Variants in PKD2 observed in about 807,000 individuals in gnomAD.
PKD2 encodes polycystin-2.
PKD2 carries 48 observed loss-of-function variants against 105.9 expected under a neutral mutation model. That is an observed-to-expected ratio of 0.45 (90% CI 0.36 to 0.58). The LOEUF is 0.58. Ranked by LOEUF, PKD2 falls within the 20% of genes least tolerant of loss-of-function variation. The pLI is 0.00. For synonymous variants in PKD2, 464 were observed against 481.1 expected (o/e 0.96, Z 0.46); for missense variants, 1,078 against 1,255.3 (o/e 0.86, Z 2.13).
At position 88,011,902 on chromosome 4, in the gene PKD2, G is replaced by T. The variant is rs111628807; in HGVS notation, c.595+3574G>T. Reference sequence around the variant, plus strand: ...AATTACAGGTTTTCAATGGGGGGGGGGGGGAGGGGCAGTTTTGCCCCTCAG... The same window carrying T: ...AATTACAGGTTTTCAATGGGGGGGGTGGGGAGGGGCAGTTTTGCCCCTCAG... On this transcript the variant is annotated intron_variant, in intron 1 of 14. Coordinates refer to ENST00000237596, the MANE Select transcript of PKD2 (RefSeq NM_000297.4). 1.3e-4 allele frequency among the ~76,000 whole-genome samples: 19 copies of T among 146,072 alleles called. No homozygotes were observed. The South Asian group carries it at 2.7e-3, about 20-fold the overall frequency.
intron 6 of PKD2, among the ~76,000 whole-genome samples, chr4:88,048,729 G>A (rs555213391): frequency 1.3e-5 from 2 of 152,204 alleles, no homozygotes; most frequent in Admixed American, 6.5e-5. Flanking sequence ...CGTCTTTTAC[G>A]ATGGCCATAC....
chr4:88,008,765 T>C (rs58337458), intron 1 of PKD2, among the ~76,000 whole-genome samples: 3 of 152,248 alleles, frequency 2.0e-5, no homozygotes, highest in Admixed American at 6.5e-5. Flanking sequence ...CCTTCTTGCC[T>C]GGACACTCCA....
intron 3 of PKD2, among the ~76,000 whole-genome samples, chr4:88,037,798 G>A (rs1283864767): frequency 6.6e-6 from 1 of 152,214 alleles, no homozygotes; most frequent in Non-Finnish European, 1.5e-5. Flanking sequence ...TCACCATACA[G>A]CAAAATAGTC....
chr4:88,039,965 T>C (rs1414617885), intron 4 of PKD2, among the ~76,000 whole-genome samples: 1 of 152,158 alleles, frequency 6.6e-6, no homozygotes, highest in Non-Finnish European at 1.5e-5. Context: ...CATGCCTTCA[T>C]CTGTGGTACC....
At position 88,065,940 on chromosome 4, in the gene PKD2, A is replaced by G. The variant is rs1426853665; in HGVS notation, c.2358+61A>G. The G allele has an allele frequency of 3.4e-5, 31 of 902,312 alleles. No homozygotes were observed. The East Asian group carries it at 7.4e-4, about 22-fold the overall frequency. 55.9% of individuals were successfully genotyped at this position (902,312 alleles called of 1,614,324 possible). A position where few individuals can be genotyped will look rare whatever the true frequency, so the allele number is the denominator to read the frequency against. On this transcript the variant is annotated intron_variant, in intron 12 of 14. Coordinates refer to ENST00000237596, the MANE Select transcript of PKD2 (RefSeq NM_000297.4). ...TACCTACAACACCACAGATGTATCAAACACTATAGAAGTAGTGGGTTATTG... is the reference window on the plus strand; with the variant it reads ...TACCTACAACACCACAGATGTATCAGACACTATAGAAGTAGTGGGTTATTG...
In PKD2 at chr4:88,047,740, A is replaced by G. The variant is rs569556920; in HGVS notation, c.1548+870A>G. ...AGGCCATGCACAGTGGCTCATACCT[A>G]TAATCCCTGCACTTTAGGGAACTGA... On this transcript the variant is annotated intron_variant, in intron 6 of 14. Transcript: ENST00000237596. 2.4e-4 allele frequency among the ~76,000 whole-genome samples: 36 copies of G among 152,226 alleles called. No individual in the cohort carries two copies. The South Asian group carries it at 6.0e-3, about 25-fold the overall frequency.
intron 4 of PKD2, among the ~76,000 whole-genome samples, chr4:88,041,789 T>G (rs1727574562): frequency 6.6e-6 from 1 of 152,210 alleles, no homozygotes. Context: ...TGAATACTGG[T>G]GCAGGGAGCT....
At chr4:88,024,997 G>T (rs1726902776) in intron 2 of PKD2, among the ~76,000 whole-genome samples, 1 of 152,142 alleles carries the variant, frequency 6.6e-6, no homozygotes, top group South Asian at 2.1e-4. Context: ...GCCAGGCGTG[G>T]TGGCAGGTGC....
intron 4 of PKD2, among the ~76,000 whole-genome samples, chr4:88,041,634 T>G (rs55645647): frequency 0.11 from 16,235 of 152,100 alleles, 3,000 homozygotes; most frequent in African/African-American, 0.37. Context: ...GTGCCTGGGG[T>G]GTTCACTGGG....
chr4:88,066,363 CTTTTT>C (rs36207866), intron 12 of PKD2, among the ~76,000 whole-genome samples: 1 of 137,546 alleles, frequency 7.3e-6, no homozygotes, highest in African/African-American at 2.7e-5. Context: ...ACTTTTTTTT[CTTTTT>C]TTTTTTTTTT....
intron 13 of PKD2, 149 bp downstream of exon 13, chr4:88,068,210 C>T (rs1193883676): frequency 2.6e-6 from 2 of 766,184 alleles, no homozygotes; most frequent in Non-Finnish European, 4.5e-6. Flanking sequence ...GTGGCTCATG[C>T]CTGTAATCCC....
intron 2 of PKD2, among the ~76,000 whole-genome samples, chr4:88,033,079 G>A (rs1727215674): frequency 6.6e-6 from 1 of 152,128 alleles, no homozygotes; most frequent in African/African-American, 2.4e-5. Context: ...GTGTGCCATG[G>A]ACTTTCCTGG....
intron 4 of PKD2, among the ~76,000 whole-genome samples, chr4:88,039,230 G>A (rs1727460785): frequency 6.6e-6 from 1 of 152,048 alleles, no homozygotes; most frequent in Non-Finnish European, 1.5e-5. Flanking sequence ...GGTTCATCTA[G>A]GTTCTTTTCT....
intron 1 of PKD2, among the ~76,000 whole-genome samples, chr4:88,015,360 CATT>C (rs113014369): frequency 6.6e-5 from 10 of 152,210 alleles, no homozygotes; most frequent in African/African-American, 2.4e-4. Flanking sequence ...ATAGATTTAT[CATT>C]ATAATATTCT....
intron 9 of PKD2, among the ~76,000 whole-genome samples, chr4:88,061,553 C>T (rs939511546): frequency 6.6e-6 from 1 of 152,000 alleles, no homozygotes; most frequent in African/African-American, 2.4e-5. Context: ...GCCTGGCCAA[C>T]GTGGTGAAAC....
At chr4:88,019,596 A>C in intron 2 of PKD2, 25 bp downstream of exon 2, 1 of 1,235,150 alleles carries the variant, frequency 8.1e-7, no homozygotes, top group South Asian at 1.2e-5. Flanking sequence ...TCCTTGCACT[A>C]ATGGGAAAGT....
intron 13 of PKD2, among the ~76,000 whole-genome samples, chr4:88,072,761 G>A (rs1721078879): frequency 6.6e-6 from 1 of 152,202 alleles, no homozygotes; most frequent in Non-Finnish European, 1.5e-5. Flanking sequence ...GAACAGGCTG[G>A]GCACAGTGGC....
At chr4:88,017,394 A>C (rs1726596647) in intron 1 of PKD2, among the ~76,000 whole-genome samples, 1 of 152,234 alleles carries the variant, frequency 6.6e-6, no homozygotes, top group South Asian at 2.1e-4. Flanking sequence ...GCCGTAGGCC[A>C]TCACAAGTTT....
chr4:88,029,137 C>T (rs1727058608), intron 2 of PKD2, among the ~76,000 whole-genome samples: 1 of 152,092 alleles, frequency 6.6e-6, no homozygotes, highest in Non-Finnish European at 1.5e-5. Flanking sequence ...TTTTCAGCCT[C>T]TTCCTGGCAT....
Sources: gnomAD v4.1 joint callset for allele counts (sites outside exome capture counted in the v4.1 genomes callset) on GRCh38, gnomAD v4.1.1 for gene constraint, MANE v1.5 for transcripts, NCBI Gene and HGNC (gene_info 2026-07-23, HGNC 2026-07-21) for gene names.